LINGO1: variants seen among roughly 807,000 people sequenced by gnomAD.
LINGO1 encodes the protein leucine-rich repeat and immunoglobulin-like domain-containing nogo receptor-interacting protein 1.
Under a neutral mutation model 37.3 loss-of-function variants are expected in LINGO1, and 11 were observed. That is an observed-to-expected ratio of 0.29 (90% confidence interval 0.19 to 0.49). The LOEUF (loss-of-function observed/expected upper bound fraction) is 0.49. LINGO1 is among the 20% of genes least tolerant of loss of function. The probability of loss-of-function intolerance (pLI) is 0.99; values close to 1 mark genes in which losing one functional copy is unlikely to be tolerated. For missense variants in LINGO1, 585 were observed against 878.2 expected (o/e 0.67, Z 4.22); for synonymous variants, 387 against 403.0 (o/e 0.96, Z 0.48).
chr15:77,639,347 T>C (rs903811936), upstream of LINGO1, among the ~76,000 whole-genome samples: 1 of 152,072 alleles, frequency 6.6e-6, no homozygotes, highest in Non-Finnish European at 1.5e-5. Flanking sequence ...AAAATGGGTA[T>C]AGTAACTCCT....
chr15:77,641,759 G>A, intron 3 of LINGO1: 1 of 429,748 alleles, frequency 2.3e-6, no homozygotes, highest in Admixed American at 2.4e-5. Context: ...GAGACACAGA[G>A]AGCCAGAAAC....
intron 1 of LINGO1, among the ~76,000 whole-genome samples, chr15:77,747,642 G>A (rs975318756): frequency 3.3e-5 from 5 of 152,156 alleles, no homozygotes; most frequent in Non-Finnish European, 7.4e-5. Flanking sequence ...AGACAGCAGC[G>A]TGAGCCCTGG....
chr15:77,683,070 AG>A (rs1427961061), intron 2 of LINGO1, among the ~76,000 whole-genome samples: 2 of 152,248 alleles, frequency 1.3e-5, no homozygotes, highest in Non-Finnish European at 2.9e-5. Context: ...AAATGGGCAA[AG>A]GACGTGAACA....
chr15:77,670,152 C>A (rs1319398933), intron 3 of LINGO1, among the ~76,000 whole-genome samples: 1 of 152,046 alleles, frequency 6.6e-6, no homozygotes, highest in Non-Finnish European at 1.5e-5. Flanking sequence ...ATATGCAAAT[C>A]CAAAGAGACA....
chr15:77,778,544 A>C (rs1249409844), intron 1 of LINGO1, among the ~76,000 whole-genome samples: 1 of 152,202 alleles, frequency 6.6e-6, no homozygotes, highest in East Asian at 1.9e-4. Context: ...CTCTCAGATC[A>C]GATAGGTTAC....
At chr15:77,743,414 T>C (rs1051626683) in intron 1 of LINGO1, among the ~76,000 whole-genome samples, 1 of 152,034 alleles carries the variant, frequency 6.6e-6, no homozygotes, top group African/African-American at 2.4e-5. Flanking sequence ...GGGCACAGAT[T>C]CTTGAGGGGA....
intron 1 of LINGO1, among the ~76,000 whole-genome samples, chr15:77,782,912 C>G (rs1022248210): frequency 2.0e-5 from 3 of 152,144 alleles, no homozygotes; most frequent in East Asian, 3.9e-4. Context: ...AGAGCACCCC[C>G]CTGCTCCTCA....
chr15:77,658,144 C>T (rs936648294), intron 3 of LINGO1, among the ~76,000 whole-genome samples: 1 of 152,184 alleles, frequency 6.6e-6, no homozygotes, highest in Non-Finnish European at 1.5e-5. Flanking sequence ...GACTGTGACA[C>T]TTCCCCGTCA....
chr15:77,784,539 T>C (rs918186326), intron 1 of LINGO1: 2 of 152,280 alleles, frequency 1.3e-5, no homozygotes, highest in Admixed American at 1.3e-4. Flanking sequence ...CTGCGCACTT[T>C]TCCCGGCTGG....
At chr15:77,731,906 A>G (rs527669120) in intron 2 of LINGO1, among the ~76,000 whole-genome samples, 1 of 152,220 alleles carries the variant, frequency 6.6e-6, no homozygotes, top group Non-Finnish European at 1.5e-5. Context: ...AAGAAGCTGG[A>G]GCCGCCTCCC....
intron 1 of LINGO1, among the ~76,000 whole-genome samples, chr15:77,800,856 A>C (rs7172936): frequency 0.2 from 30,722 of 152,192 alleles, 3,374 homozygotes; most frequent in Admixed American, 0.33. Flanking sequence ...GAAGAGAAAA[A>C]TTGGCAGTGA....
intron 1 of LINGO1, among the ~76,000 whole-genome samples, chr15:77,774,799 T>C (rs2076621271): frequency 1.3e-5 from 2 of 152,012 alleles, no homozygotes; most frequent in African/African-American, 4.8e-5. Context: ...AGGTCATCAG[T>C]GGGTGCACCT....
At chr15:77,796,537 T>G (rs2076874676) in intron 1 of LINGO1, among the ~76,000 whole-genome samples, 1 of 152,238 alleles carries the variant, frequency 6.6e-6, no homozygotes, top group Non-Finnish European at 1.5e-5. Context: ...TGGCTCACAG[T>G]AGGTGTGCAG....
chr15:77,639,187 G>A (rs1420698105), upstream of LINGO1, among the ~76,000 whole-genome samples: 1 of 152,076 alleles, frequency 6.6e-6, no homozygotes, highest in Non-Finnish European at 1.5e-5. Flanking sequence ...GGAGCCTTGT[G>A]AGAGGCCCTG....
chr15:77,713,213 TGTGTG>T (rs2075941385), intron 2 of LINGO1, among the ~76,000 whole-genome samples: 1 of 63,204 alleles, frequency 1.6e-5, no homozygotes, highest in African/African-American at 5.7e-5. Flanking sequence ...CAGCTAATTG[TGTGTG>T]TGTGTGTGTG....
chr15:77,784,167 C>T (rs2076749149), intron 1 of LINGO1, among the ~76,000 whole-genome samples: 1 of 152,216 alleles, frequency 6.6e-6, no homozygotes, highest in Non-Finnish European at 1.5e-5. Context: ...CCGGGGTCTC[C>T]GGGAGGTCCC....
chr15:77,677,130 G>A (rs1274491452), exon 3 of LINGO1: 1 of 152,488 alleles, frequency 6.6e-6, no homozygotes, highest in African/African-American at 2.4e-5. Context: ...CTGGCCTCTG[G>A]GGGCCTGGGG....
intron 2 of LINGO1, among the ~76,000 whole-genome samples, chr15:77,717,651 C>T (rs1355951486): frequency 6.6e-6 from 1 of 150,858 alleles, no homozygotes; most frequent in Non-Finnish European, 1.5e-5. Flanking sequence ...CCCGCTTCTA[C>T]CTTAGCTGGC....
chr15:77,745,125 TAAA>T (rs74707319), intron 1 of LINGO1, among the ~76,000 whole-genome samples: 2 of 91,040 alleles, frequency 2.2e-5, no homozygotes, highest in Non-Finnish European at 2.2e-5. Flanking sequence ...GACTCTGTCT[TAAA>T]AAAAAAAAAA....
Sources: gnomAD v4.1 joint callset for allele counts (sites outside exome capture counted in the v4.1 genomes callset) on GRCh38, gnomAD v4.1.1 for gene constraint, MANE v1.5 for transcripts, NCBI Gene and HGNC (gene_info 2026-07-23, HGNC 2026-07-21) for gene names.